Variants in UPRT observed in about 807,000 individuals in gnomAD.
The protein encoded by UPRT is RP11-311P8.3.
In UPRT, 5 loss-of-function variants were observed where a neutral mutation model predicts 22.6. That is an observed-to-expected ratio of 0.22 (90% confidence interval 0.12 to 0.47). UPRT has a LOEUF of 0.47. Ranked by LOEUF, UPRT falls within the 20% of genes least tolerant of loss-of-function variation. The pLI is 0.99. For missense variants in UPRT, 181 were observed against 239.9 expected (o/e 0.75, Z 1.62); for synonymous variants, 77 against 87.7 (o/e 0.88, Z 0.68).
intron 4 of UPRT, among the ~76,000 whole-genome samples, chrX:75,266,086 C>G (rs2082587526): frequency 9.0e-6 from 1 of 111,411 alleles, no homozygotes; most frequent in African/African-American, 3.3e-5. Flanking sequence ...TTGGAAAAAA[C>G]TACTTTAAAG....
chrX:75,246,236 T>C (rs1208769621), intron 4 of UPRT, among the ~76,000 whole-genome samples: 1 of 100,094 alleles, frequency 1.0e-5, no homozygotes, highest in Admixed American at 1.1e-4. Flanking sequence ...GTATATCTCC[T>C]AAAGCTATCC....
intron 4 of UPRT, among the ~76,000 whole-genome samples, chrX:75,299,463 T>C (rs1333492997): frequency 8.9e-6 from 1 of 111,973 alleles, no homozygotes; most frequent in African/African-American, 3.2e-5. Context: ...TTATTTCCTA[T>C]AATCACGGAA....
chrX:75,191,584 G>A (rs1184010834), intron 4 of UPRT, among the ~76,000 whole-genome samples: 1 of 111,915 alleles, frequency 8.9e-6, no homozygotes, highest in East Asian at 2.9e-4. Context: ...AGGCAGGCAG[G>A]CCTCCTTGAG....
intron 4 of UPRT, among the ~76,000 whole-genome samples, chrX:75,239,965 T>G (rs1224864961): frequency 9.0e-6 from 1 of 111,359 alleles, no homozygotes; most frequent in East Asian, 2.8e-4. Context: ...AGAAGTTATC[T>G]ATGATAAATC....
chrX:75,252,931 C>G (rs2082536448), intron 4 of UPRT, among the ~76,000 whole-genome samples: 1 of 111,459 alleles, frequency 9.0e-6, no homozygotes, highest in Admixed American at 9.6e-5. Flanking sequence ...TCTCAGCAAA[C>G]TATCACAAGG....
chrX:75,187,984 C>T (rs12389859), intron 4 of UPRT, among the ~76,000 whole-genome samples: 3,211 of 111,752 alleles, frequency 0.029, 115 homozygotes, highest in African/African-American at 0.1. Flanking sequence ...TCCCCTGGCT[C>T]GGAGTAATTT....
At position 75,253,966 on chromosome X, in the gene UPRT, T is replaced by C. The variant is rs143348683; in HGVS notation, c.-446-37058T>C. 1.5e-3 allele frequency among the ~76,000 whole-genome samples: 171 copies of C among 111,446 alleles called. 1 individual carries two copies. The East Asian group carries it at 0.042, about 27-fold the overall frequency. Reference sequence around the variant, plus strand: ...ATCTCTGCCTGGCCTCACAGGGGTCTTTCAGAAGGGTTCCAGAGGCACAGG... The same window carrying C: ...ATCTCTGCCTGGCCTCACAGGGGTCCTTCAGAAGGGTTCCAGAGGCACAGG... On this transcript the variant is annotated intron_variant, in intron 4 of 13. Transcript: ENST00000652605.
chrX:75,217,865 A>G (rs5981810), intron 4 of UPRT, among the ~76,000 whole-genome samples: 1 of 112,067 alleles, frequency 8.9e-6, no homozygotes, highest in East Asian at 2.8e-4. Context: ...TCCCTTCCTT[A>G]CACCTTATAC....
At chrX:75,180,706 T>G (rs1426957369) in intron 4 of UPRT, among the ~76,000 whole-genome samples, 107 of 95,897 alleles carry the variant, frequency 1.1e-3, no homozygotes, top group African/African-American at 3.2e-3. Context: ...TTTTTTTTTT[T>G]TTTTTTTTTT....
chrX:75,187,114 G>T (rs1465360091), intron 4 of UPRT, among the ~76,000 whole-genome samples: 4 of 111,702 alleles, frequency 3.6e-5, no homozygotes, highest in Non-Finnish European at 7.5e-5. Context: ...TTTCTTCCTA[G>T]TCTTGATGGT....
intron 4 of UPRT, among the ~76,000 whole-genome samples, chrX:75,213,522 A>G: frequency 8.9e-6 from 1 of 112,315 alleles, no homozygotes; most frequent in Middle Eastern, 4.6e-3. Flanking sequence ...ACACCAATTA[A>G]AAGACAGAAA....
intron 4 of UPRT, among the ~76,000 whole-genome samples, chrX:75,248,080 AG>A (rs1185800020): frequency 1.9e-4 from 21 of 111,973 alleles, no homozygotes; most frequent in African/African-American, 6.5e-4. Flanking sequence ...CCATCTTCAA[AG>A]ACCAAAGGTA....
chrX:75,267,721 A>C (rs200713237), intron 4 of UPRT, among the ~76,000 whole-genome samples: 2 of 112,254 alleles, frequency 1.8e-5, no homozygotes, highest in East Asian at 5.5e-4. Flanking sequence ...ATGAGAACAA[A>C]GACACAACAT....
intron 4 of UPRT, among the ~76,000 whole-genome samples, chrX:75,239,420 A>G (rs1353085924): frequency 4.5e-5 from 5 of 111,307 alleles, no homozygotes; most frequent in Non-Finnish European, 9.4e-5. Context: ...ACTTTTGAAT[A>G]TACCAATAAT....
chrX:75,227,111 C>T (rs754217337), intron 4 of UPRT, among the ~76,000 whole-genome samples: 2 of 111,185 alleles, frequency 1.8e-5, no homozygotes, highest in Non-Finnish European at 3.8e-5. Context: ...CCAGTCAAGT[C>T]TTTAGGTATT....
At chrX:75,294,739 C>T (rs1406266133) in intron 2 of UPRT, 4 of 372,072 alleles carry the variant, frequency 1.1e-5, no homozygotes, top group South Asian at 1.3e-4. Flanking sequence ...GCAATAGTTA[C>T]GTCATTCTGT....
At chrX:75,231,704 G>T (rs897436149) in intron 4 of UPRT, among the ~76,000 whole-genome samples, 2 of 111,960 alleles carry the variant, frequency 1.8e-5, no homozygotes, top group Non-Finnish European at 3.8e-5. Context: ...GAAGCAAAAG[G>T]ATCAGGTAAC....
At chrX:75,236,343 G>C (rs1405481397) in intron 4 of UPRT, among the ~76,000 whole-genome samples, 2 of 111,671 alleles carry the variant, frequency 1.8e-5, no homozygotes, top group Non-Finnish European at 3.8e-5. Flanking sequence ...TGGGTAGGAA[G>C]AATGAATATT....
rs184985902 is a variant in UPRT, at chrX:75,180,206, T to C, written c.-447+12327T>C. On this transcript the variant is annotated intron_variant, in intron 4 of 13. Coordinates refer to the UPRT transcript ENST00000652605. ...GTTCAGTTGGAGGTTTCCTTCTCCC[T>C]GTGGTCTTTTCCCAGTTCCTCTGTC... Among the ~76,000 whole-genome samples, 460 of 112,604 alleles carry C rather than the reference T, an allele frequency of 4.1e-3. 2 individuals carry two copies. Among genetic ancestry groups the C allele is most frequent in the Admixed American group, 6.1e-3 (65 of 10,677 alleles).
Sources: allele counts gnomAD v4.1 joint callset (sites outside exome capture counted in the v4.1 genomes callset), GRCh38; gene constraint gnomAD v4.1.1; transcripts MANE v1.5; gene names NCBI Gene and HGNC (gene_info 2026-07-23, HGNC 2026-07-21).